Variants in GARIN5A observed in about 807,000 individuals in gnomAD.
The protein encoded by GARIN5A is golgi associated RAB2 interactor 5A.
chr19:50,470,492 A>G, the GARIN5A span, among the ~76,000 whole-genome samples: 1 of 151,274 alleles, frequency 6.6e-6, no homozygotes, highest in Non-Finnish European at 1.5e-5. Flanking sequence ...CAGCCTGGGC[A>G]ACAAGAGTGA....
At chr19:50,472,243 T>TATATACATGTATGTGTGTATATATG in the GARIN5A span, among the ~76,000 whole-genome samples, 4 of 133,876 alleles carry the variant, frequency 3.0e-5, no homozygotes, top group African/African-American at 1.3e-4. Flanking sequence ...TATGTGTGTA[T>TATATACATGTATGTGTGTATATATG]TATATATACA....
the GARIN5A span, chr19:50,476,435 T>C: frequency 7.7e-6 from 12 of 1,550,276 alleles, no homozygotes; most frequent in Non-Finnish European, 1.0e-5. Context: ...AGTGCGCAGG[T>C]GCCGGGGCCC....
At chr19:50,475,562 G>A in the GARIN5A span, 1 of 1,110,338 alleles carries the variant, frequency 9.0e-7, no homozygotes, top group Non-Finnish European at 1.3e-6. Flanking sequence ...AACCAGGTGA[G>A]TTGAAAATCA....
At chr19:50,470,775 C>T in the GARIN5A span, among the ~76,000 whole-genome samples, 1 of 151,398 alleles carries the variant, frequency 6.6e-6, no homozygotes, top group Admixed American at 6.6e-5. Flanking sequence ...CTGCCTCAGC[C>T]TCCCGAGTAG....
At chr19:50,476,474 G>A in the GARIN5A span, 4 of 1,576,350 alleles carry the variant, frequency 2.5e-6, no homozygotes, top group Non-Finnish European at 3.4e-6. Context: ...TCAGGATGCG[G>A]CCTGTTCCTC....
chr19:50,471,885 T>C, the GARIN5A span, among the ~76,000 whole-genome samples: 3 of 151,354 alleles, frequency 2.0e-5, no homozygotes, highest in Non-Finnish European at 2.9e-5. Flanking sequence ...CATACATGTG[T>C]GTATATGTAT....
At chr19:50,472,865 C>T in the GARIN5A span, among the ~76,000 whole-genome samples, 4 of 151,910 alleles carry the variant, frequency 2.6e-5, no homozygotes, top group Non-Finnish European at 5.9e-5. Context: ...GAGTGAGACC[C>T]TGTCTCAAAA....
At chr19:50,474,898 CCTGGCCCACT>C in the GARIN5A span, among the ~76,000 whole-genome samples, 3 of 152,302 alleles carry the variant, frequency 2.0e-5, no homozygotes, top group Non-Finnish European at 4.4e-5. Context: ...GCATTCCAAT[CCTGGCCCACT>C]CTGGAGCCAC....
chr19:50,472,220 GTATA>G, the GARIN5A span, among the ~76,000 whole-genome samples: 215 of 106,224 alleles, frequency 2.0e-3, 1 homozygote, highest in African/African-American at 6.6e-3. Context: ...ATGTGTGTAT[GTATA>G]TATACATGTA....
the GARIN5A span, among the ~76,000 whole-genome samples, chr19:50,472,042 ATATGTATATATACGTG>A: frequency 6.9e-6 from 1 of 145,522 alleles, no homozygotes; most frequent in Non-Finnish European, 1.5e-5. Flanking sequence ...ACGTGTGTGT[ATATGTATATATACGTG>A]TGTGTATATG....
the GARIN5A span, among the ~76,000 whole-genome samples, chr19:50,468,363 CAAAAAAAAAAAA>C: frequency 2.6e-5 from 2 of 77,068 alleles, no homozygotes; most frequent in African/African-American, 5.4e-5. Flanking sequence ...GACTGTGTCT[CAAAAAAAAAAAA>C]AAAAAAAAAA....
the GARIN5A span, among the ~76,000 whole-genome samples, chr19:50,471,904 G>A: frequency 1.4e-5 from 2 of 143,098 alleles, no homozygotes; most frequent in African/African-American, 2.9e-5. Flanking sequence ...ATGCATACAT[G>A]TATGTGTGTA....
the GARIN5A span, among the ~76,000 whole-genome samples, chr19:50,470,657 G>GTTTTTT: frequency 7.5e-6 from 1 of 133,990 alleles, no homozygotes; most frequent in African/African-American, 2.8e-5. Flanking sequence ...GGCTACTGCT[G>GTTTTTT]TTTTTTTTTT....
At chr19:50,467,520 C>A in the GARIN5A span, 1 of 1,380,612 alleles carries the variant, frequency 7.2e-7, no homozygotes, top group Non-Finnish European at 9.9e-7. Context: ...CCCCTCTGCC[C>A]TCTGCTGCCC....
At chr19:50,472,319 GTA>G in the GARIN5A span, among the ~76,000 whole-genome samples, 115 of 151,684 alleles carry the variant, frequency 7.6e-4, 1 homozygote, top group African/African-American at 2.7e-3. Context: ...ATGTATGTGT[GTA>G]TATATATATC....
the GARIN5A span, among the ~76,000 whole-genome samples, chr19:50,471,743 C>T: frequency 5.4e-5 from 8 of 147,456 alleles, no homozygotes; most frequent in South Asian, 4.3e-4. Flanking sequence ...TGTGTGTATA[C>T]GCATACATGC....
chr19:50,475,453 C>T, the GARIN5A span: 1 of 1,602,912 alleles, frequency 6.2e-7, no homozygotes, highest in Non-Finnish European at 8.5e-7. Context: ...CCAACCGAGT[C>T]ACCTGGGGCC....
the GARIN5A span, among the ~76,000 whole-genome samples, chr19:50,474,182 CT>C: frequency 0.62 from 90,499 of 145,996 alleles, 27,812 homozygotes; most frequent in South Asian, 0.72. Context: ...TTTATTCTCT[CT>C]TTTTTTTTTT....
the GARIN5A span, among the ~76,000 whole-genome samples, chr19:50,467,126 G>C: frequency 2.0e-5 from 3 of 152,082 alleles, no homozygotes; most frequent in African/African-American, 7.2e-5. Context: ...GCTCCACCTT[G>C]ACCCCCAAGG....
Sources: gnomAD v4.1 joint callset for allele counts (sites outside exome capture counted in the v4.1 genomes callset) on GRCh38, gnomAD v4.1.1 for gene constraint, MANE v1.5 for transcripts, NCBI Gene and HGNC (gene_info 2026-07-23, HGNC 2026-07-21) for gene names.